CLSTN2: variants seen among roughly 807,000 people sequenced by gnomAD.
CLSTN2 encodes the protein calsyntenin-2.
In CLSTN2, 48 loss-of-function variants were observed where a neutral mutation model predicts 101.2. The ratio of observed to expected loss-of-function variants is 0.47; its 90% CI spans 0.38 to 0.60. CLSTN2 has a LOEUF of 0.60. Ranked by LOEUF, CLSTN2 falls within the 20% of genes least tolerant of loss-of-function variation. The pLI, the probability that CLSTN2 is intolerant of heterozygous loss-of-function variation, is 0.00. For synonymous variants in CLSTN2, 481 were observed against 463.6 expected, an observed-to-expected ratio of 1.04 and a Z score of -0.48; for missense variants, 1,160 against 1,238.2, an observed-to-expected ratio of 0.94 and a Z score of 0.95.
At chr3:140,554,662 G>T (rs1215507143) in intron 10 of CLSTN2, among the ~76,000 whole-genome samples, 1 of 152,218 alleles carries the variant, frequency 6.6e-6, no homozygotes, top group Admixed American at 6.5e-5. Context: ...CACTTGTAGT[G>T]ATGTATCCTA....
chr3:140,517,904 G>A (rs1463927534), intron 8 of CLSTN2, among the ~76,000 whole-genome samples: 1 of 152,120 alleles, frequency 6.6e-6, no homozygotes, highest in African/African-American at 2.4e-5. Context: ...TATTTCCTTT[G>A]TCTTTGGCTA....
rs144227869 is a variant in CLSTN2, at chr3:140,102,175, C to T, written c.110-73776C>T. On this transcript the variant is annotated intron_variant, in intron 1 of 16. Transcript: ENST00000458420. Reference sequence around the variant, plus strand: ...GCTGTCTACAGTTGGGCCAATCATTCGTGATAAGGAAGGACACCATCACAT... The same window carrying T: ...GCTGTCTACAGTTGGGCCAATCATTTGTGATAAGGAAGGACACCATCACAT... Among the ~76,000 whole-genome samples, 425 of 152,282 alleles carry T rather than the reference C, an allele frequency of 2.8e-3. 1 individual carries two copies. The highest frequency in any genetic ancestry group is 7.4e-3 in the African/African-American group (307 of 41,554).
intron 2 of CLSTN2, among the ~76,000 whole-genome samples, chr3:140,393,546 A>G (rs62266366): frequency 0.41 from 61,965 of 152,158 alleles, 15,025 homozygotes; most frequent in South Asian, 0.6. Context: ...GGCTGCTTAC[A>G]GAGATGTTGT....
intron 1 of CLSTN2, among the ~76,000 whole-genome samples, chr3:140,137,398 C>T (rs534836942): frequency 6.6e-6 from 1 of 152,070 alleles, no homozygotes; most frequent in Admixed American, 6.5e-5. Context: ...AGGATCACCT[C>T]CTCCATGAAG....
At chr3:140,349,760 C>T (rs1359103355) in intron 2 of CLSTN2, among the ~76,000 whole-genome samples, 2 of 152,162 alleles carry the variant, frequency 1.3e-5, no homozygotes, top group Non-Finnish European at 2.9e-5. Context: ...TGCTTGCTAC[C>T]TTTTCACCTT....
chr3:140,144,003 G>A (rs139635429), intron 1 of CLSTN2, among the ~76,000 whole-genome samples: 113 of 152,264 alleles, frequency 7.4e-4, no homozygotes, highest in Non-Finnish European at 1.4e-3. Context: ...TGCTCTAGAC[G>A]GATAAAATTA....
chr3:140,307,239 T>G (rs993472733), intron 2 of CLSTN2, among the ~76,000 whole-genome samples: 6 of 152,122 alleles, frequency 3.9e-5, no homozygotes, highest in Non-Finnish European at 5.9e-5. Flanking sequence ...GGGTGTGTCT[T>G]TATCAGCAGC....
intron 2 of CLSTN2, among the ~76,000 whole-genome samples, chr3:140,383,028 C>T (rs888255764): frequency 2.6e-5 from 4 of 152,126 alleles, no homozygotes; most frequent in Non-Finnish European, 5.9e-5. Context: ...GAAGTAAAGT[C>T]AAACAAAGAG....
At chr3:140,410,411 C>CAAA (rs11450317) in intron 4 of CLSTN2, among the ~76,000 whole-genome samples, 4 of 118,740 alleles carry the variant, frequency 3.4e-5, no homozygotes, top group Non-Finnish European at 5.1e-5. Context: ...AAATAAAAAG[C>CAAA]AAAAAAAAAA....
At chr3:139,973,222 G>A (rs1935746237) in intron 1 of CLSTN2, among the ~76,000 whole-genome samples, 1 of 152,334 alleles carries the variant, frequency 6.6e-6, no homozygotes, top group Non-Finnish European at 1.5e-5. Context: ...ATTTCTGTGA[G>A]GTTTCCTTCA....
intron 2 of CLSTN2, among the ~76,000 whole-genome samples, chr3:140,315,915 G>C (rs2087227369): frequency 6.6e-6 from 1 of 152,182 alleles, no homozygotes; most frequent in Non-Finnish European, 1.5e-5. Context: ...CCTCCAGATG[G>C]TTTCTGTCTC....
At position 140,060,410 on chromosome 3, in the gene CLSTN2, A is replaced by C. The variant is rs555018622; in HGVS notation, c.110-115541A>C. 2.6e-5 allele frequency among the ~76,000 whole-genome samples: 4 copies of C among 152,228 alleles called. No homozygotes were observed. In the East Asian group the frequency reaches 7.7e-4, roughly 29 times the overall value. On this transcript the variant is annotated intron_variant, in intron 1 of 16. Coordinates refer to ENST00000458420, the MANE Select transcript of CLSTN2 (RefSeq NM_022131.3). Reference sequence around the variant, plus strand: ...TGATGGCTTGATGAGGAGCTGCTTTAATACGATCCCCAAAATCCTCTTGGA... The same window carrying C: ...TGATGGCTTGATGAGGAGCTGCTTTCATACGATCCCCAAAATCCTCTTGGA...
At chr3:140,206,876 A>G (rs1301015742) in intron 2 of CLSTN2, among the ~76,000 whole-genome samples, 1 of 152,190 alleles carries the variant, frequency 6.6e-6, no homozygotes, top group Non-Finnish European at 1.5e-5. Flanking sequence ...TCTGGTGGGC[A>G]GATGCAGAAC....
At chr3:140,183,921 T>C (rs1224800915) in intron 2 of CLSTN2, among the ~76,000 whole-genome samples, 5 of 152,236 alleles carry the variant, frequency 3.3e-5, no homozygotes, top group Non-Finnish European at 5.9e-5. Flanking sequence ...TCAGCCCAGA[T>C]GTCTGCAAGT....
intron 8 of CLSTN2, among the ~76,000 whole-genome samples, chr3:140,497,888 G>C (rs538803603): frequency 3.2e-4 from 49 of 152,272 alleles, no homozygotes; most frequent in African/African-American, 1.2e-3. Flanking sequence ...GTTTTTCCGG[G>C]AGGGGTCATA....
At chr3:140,364,250 G>T (rs181295421) in intron 2 of CLSTN2, among the ~76,000 whole-genome samples, 1 of 152,108 alleles carries the variant, frequency 6.6e-6, no homozygotes, top group Non-Finnish European at 1.5e-5. Flanking sequence ...CCTTCTGGAG[G>T]GGACCCTGGA....
At chr3:140,251,232 G>A (rs2086561140) in intron 2 of CLSTN2, among the ~76,000 whole-genome samples, 1 of 152,128 alleles carries the variant, frequency 6.6e-6, no homozygotes, top group African/African-American at 2.4e-5. Flanking sequence ...ATTGTTCTCG[G>A]TACTGAAATT....
At chr3:140,168,945 C>A (rs2010173675) in intron 1 of CLSTN2, among the ~76,000 whole-genome samples, 1 of 151,956 alleles carries the variant, frequency 6.6e-6, no homozygotes, top group South Asian at 2.1e-4. Flanking sequence ...CAACTTTGTT[C>A]TTTTTTCCTA....
chr3:140,519,818 C>T (rs1412038776), intron 8 of CLSTN2, among the ~76,000 whole-genome samples: 1 of 152,072 alleles, frequency 6.6e-6, no homozygotes, highest in African/African-American at 2.4e-5. Flanking sequence ...ACATTTAAGG[C>T]TAGTGTTGTG....
Sources: allele counts gnomAD v4.1 joint callset (sites outside exome capture counted in the v4.1 genomes callset), GRCh38; gene constraint gnomAD v4.1.1; transcripts MANE v1.5; gene names NCBI Gene and HGNC (gene_info 2026-07-23, HGNC 2026-07-21).